Variants in CCDC178 observed in about 807,000 individuals in gnomAD.
The protein encoded by CCDC178 is coiled-coil domain containing 178, also known as coiled-coil domain-containing protein 178.
A neutral mutation model predicts 117.4 loss-of-function variants in CCDC178; 126 were observed. The observed-to-expected ratio is 1.07, with a 90% CI of 0.93 to 1.24. The LOEUF (loss-of-function observed/expected upper bound fraction) is 1.24, where lower values mean the gene tolerates loss of function less well. Among genes scored for constraint, CCDC178 ranks in the 50% most tolerant of loss-of-function variants. CCDC178 has a pLI of 0.00. For synonymous variants in CCDC178, 283 were observed against 313.4 expected, an observed-to-expected ratio of 0.90 and a Z score of 1.02; for missense variants, 1,030 against 986.9, an observed-to-expected ratio of 1.04 and a Z score of -0.59.
chr18:33,017,020 T>C (rs1167378839), intron 21 of CCDC178, among the ~76,000 whole-genome samples: 1 of 151,924 alleles, frequency 6.6e-6, no homozygotes, highest in African/African-American at 2.4e-5. Flanking sequence ...CAATAGTAAA[T>C]ATATATTTTC....
chr18:33,192,855 C>G (rs2058876792), intron 20 of CCDC178, among the ~76,000 whole-genome samples: 1 of 147,192 alleles, frequency 6.8e-6, no homozygotes. Flanking sequence ...GAGCCGAGAT[C>G]GTGCCACTGT....
chr18:33,104,605 T>A (rs1228304342), intron 20 of CCDC178, among the ~76,000 whole-genome samples: 2 of 151,676 alleles, frequency 1.3e-5, no homozygotes, highest in East Asian at 3.9e-4. Flanking sequence ...CATTAAGGTG[T>A]GGAAATAGAA....
At chr18:33,344,156 T>A (rs1182877048) in intron 9 of CCDC178, among the ~76,000 whole-genome samples, 1 of 147,662 alleles carries the variant, frequency 6.8e-6, no homozygotes, top group Non-Finnish European at 1.5e-5. Flanking sequence ...TACAAAAAAT[T>A]AGCCGGGCGC....
intron 20 of CCDC178, among the ~76,000 whole-genome samples, chr18:33,185,694 TA>T (rs1426634330): frequency 2.0e-5 from 3 of 152,000 alleles, no homozygotes; most frequent in Non-Finnish European, 4.4e-5. Context: ...ATATATTTAG[TA>T]AAAGGGGAAG....
chr18:33,337,194 G>A (rs1303479053), intron 9 of CCDC178, among the ~76,000 whole-genome samples: 2 of 150,592 alleles, frequency 1.3e-5, no homozygotes, highest in African/African-American at 2.4e-5. Context: ...TCTCAGTTTG[G>A]ATGCTGTTGG....
chr18:33,047,994 G>C (rs2056676659), intron 21 of CCDC178, among the ~76,000 whole-genome samples: 1 of 152,162 alleles, frequency 6.6e-6, no homozygotes, highest in African/African-American at 2.4e-5. Flanking sequence ...CTAACCCCCA[G>C]TACCTCCGAC....
At chr18:33,383,233 G>GA (rs2063457875) in intron 5 of CCDC178, among the ~76,000 whole-genome samples, 1 of 152,174 alleles carries the variant, frequency 6.6e-6, no homozygotes, top group Non-Finnish European at 1.5e-5. Flanking sequence ...ATTTCCCTGG[G>GA]AAAGAGCACC....
At chr18:33,079,970 G>A (rs2057271709) in intron 21 of CCDC178, among the ~76,000 whole-genome samples, 1 of 152,162 alleles carries the variant, frequency 6.6e-6, no homozygotes, top group South Asian at 2.1e-4. Context: ...AAAGACATAT[G>A]TAAGTGAATG....
chr18:33,244,753 C>T (rs546550419), intron 15 of CCDC178, among the ~76,000 whole-genome samples: 1 of 152,078 alleles, frequency 6.6e-6, no homozygotes, highest in Non-Finnish European at 1.5e-5. Flanking sequence ...CTAGCCAATA[C>T]ATCTCTCACT....
At chr18:32,974,051 AAC>A (rs1208156156) in intron 22 of CCDC178, among the ~76,000 whole-genome samples, 2 of 152,168 alleles carry the variant, frequency 1.3e-5, no homozygotes, top group Non-Finnish European at 2.9e-5. Context: ...ATGCATCTAG[AAC>A]CACAGCTACT....
chr18:33,395,503 A>G (rs1458413319), intron 4 of CCDC178, among the ~76,000 whole-genome samples: 4 of 152,086 alleles, frequency 2.6e-5, no homozygotes, highest in Admixed American at 2.6e-4. Flanking sequence ...TACACTAAAT[A>G]TACAAAAATA....
At chr18:33,327,695 T>A (rs989672589) in intron 10 of CCDC178, among the ~76,000 whole-genome samples, 9 of 152,300 alleles carry the variant, frequency 5.9e-5, no homozygotes, top group African/African-American at 2.2e-4. Context: ...TTTTAAAGAC[T>A]AATGATGTTG....
At chr18:32,997,384 C>G (rs1378668858) in intron 21 of CCDC178, among the ~76,000 whole-genome samples, 1 of 152,086 alleles carries the variant, frequency 6.6e-6, no homozygotes, top group East Asian at 1.9e-4. Flanking sequence ...AATTGAATGC[C>G]TTAAGATGAA....
chr18:33,116,169 AG>A, intron 20 of CCDC178, among the ~76,000 whole-genome samples: 1 of 152,132 alleles, frequency 6.6e-6, no homozygotes, highest in African/African-American at 2.4e-5. Context: ...GCTACTACAG[AG>A]GGGGCTTTAC....
chr18:33,051,868 G>T (rs2056753536), intron 21 of CCDC178, among the ~76,000 whole-genome samples: 1 of 152,138 alleles, frequency 6.6e-6, no homozygotes, highest in Admixed American at 6.5e-5. Context: ...GCAACATAAG[G>T]CAGCTGTGTA....
At chr18:33,098,982 C>T (rs1253939448) in intron 20 of CCDC178, among the ~76,000 whole-genome samples, 1 of 151,848 alleles carries the variant, frequency 6.6e-6, no homozygotes, top group Non-Finnish European at 1.5e-5. Context: ...AAAAAAAAAT[C>T]ATTGATTTGA....
At chr18:33,198,386 T>C (rs2058957506) in intron 20 of CCDC178, among the ~76,000 whole-genome samples, 2 of 152,178 alleles carry the variant, frequency 1.3e-5, no homozygotes, top group South Asian at 2.1e-4. Context: ...TGGAACACTT[T>C]AGGCTAAGAT....
chr18:33,311,411 G>C (rs200231433), intron 11 of CCDC178, among the ~76,000 whole-genome samples: 1,072 of 89,176 alleles, frequency 0.012, 8 homozygotes, highest in African/African-American at 0.038. Context: ...AAAAGACAGA[G>C]AGGCCACATG....
Position 33,211,908 on chromosome 18 carries a change from AAG to A in CCDC178, c.2224_2225del (p.Leu742SerfsTer9), listed in dbSNP as rs751061448. 6.2e-7 allele frequency: 1 copy of A among 1,604,102 alleles called. No homozygotes were observed. The highest frequency in any genetic ancestry group is 1.1e-5 in the South Asian group (1 of 88,662). On this transcript the variant is annotated frameshift_variant, in exon 20 of 23. Coordinates refer to ENST00000383096, the MANE Select transcript of CCDC178 (RefSeq NM_001105528.4). LOFTEE classifies it high-confidence loss of function. ...AAATAATACTCACTTGGGTATCTTG[AAG>A]AGTTTTTTGTCTTACAGCAAGGAGC... Reference protein sequence around the residue: ...RVLLAVRQKTLQDTQKIIADS... With the variant: ...RVLLAVRQKTXQDTQKIIADS...
Sources: gnomAD v4.1 joint callset for allele counts (sites outside exome capture counted in the v4.1 genomes callset) on GRCh38, gnomAD v4.1.1 for gene constraint, MANE v1.5 for transcripts, NCBI Gene and HGNC (gene_info 2026-07-23, HGNC 2026-07-21) for gene names.